ARAP3: variants seen among roughly 807,000 people sequenced by gnomAD.
ARAP3 encodes ArfGAP with RhoGAP domain, ankyrin repeat and PH domain 3, also known as arf-GAP with Rho-GAP domain, ANK repeat and PH domain-containing protein 3.
In ARAP3, 82 loss-of-function variants were observed where a neutral mutation model predicts 169.2. That is an observed-to-expected ratio of 0.48 (90% CI 0.41 to 0.58). The LOEUF is 0.58. Among genes scored for constraint, ARAP3 ranks in the 20% least tolerant of loss-of-function variants. ARAP3 has a pLI of 0.00. For missense variants in ARAP3, 1,764 were observed against 2,018.0 expected, an observed-to-expected ratio of 0.87 and a Z score of 2.41; for synonymous variants, 791 against 800.3, an observed-to-expected ratio of 0.99 and a Z score of 0.20.
intron 30 of ARAP3, 34 bp from the exon 31 acceptor site, chr5:141,655,792 C>T (rs1411336034): frequency 3.1e-6 from 5 of 1,614,002 alleles, no homozygotes; most frequent in South Asian, 2.2e-5. Context: ...CATCAGTGGG[C>T]ATGAAAGGCA....
At position 141,665,437 on chromosome 5, in the gene ARAP3, T is replaced by C. The variant is rs79121065; in HGVS notation, c.2573-63A>G. The C allele has an allele frequency of 9.3e-5, 144 of 1,556,152 alleles. 1 individual carries two copies. The East Asian group carries it at 1.9e-3, about 20-fold the overall frequency. On this transcript the variant is annotated intron_variant, in intron 17 of 32. Coordinates refer to ENST00000239440, the MANE Select transcript of ARAP3 (RefSeq NM_022481.6). ...TCTTCATTATAGAGACTATTATTTA[T>C]TAAATGCTTAACGTGCATAGATGCC...
intron 13 of ARAP3, 69 bp from the exon 14 acceptor site, chr5:141,670,697 G>A (rs2154599042): frequency 7.5e-7 from 1 of 1,337,674 alleles, no homozygotes. Context: ...CTCTGGGGAA[G>A]GGATGAAATG....
At position 141,680,179 on chromosome 5, in the gene ARAP3, C is replaced by T; in HGVS notation, c.308G>A (p.Gly103Asp). The change falls in exon 2 of 33, where the codon GGT becomes GAT. Residue 103 changes from glycine (G) to aspartate (D), a missense_variant. Transcript: ENST00000239440. ...AGTGGTGGCAGGGCCACTGAGTCCACCAAACACGGTCCTGGGCTTCGGCAC... is the reference window on the plus strand; with the variant it reads ...AGTGGTGGCAGGGCCACTGAGTCCATCAAACACGGTCCTGGGCTTCGGCAC... ...KPVPKPRTVF[G>D]GLSGPATTQR... 2 of 1,608,830 alleles carry T rather than the reference C, an allele frequency of 1.2e-6. No individual in the cohort carries two copies. Among genetic ancestry groups the T allele is most frequent in the Non-Finnish European group, 1.7e-6 (2 of 1,176,542 alleles).
chr5:141,661,565 C>A, intron 21 of ARAP3, 119 bp downstream of exon 21: 5 of 1,062,750 alleles, frequency 4.7e-6, no homozygotes, highest in Non-Finnish European at 7.0e-6. Context: ...TGCTATGATA[C>A]CTTCACTTAA....
chr5:141,679,775 G>T lies in ARAP3; in HGVS notation c.572C>A (p.Pro191His). The T allele has an allele frequency of 6.2e-7, 1 of 1,614,004 alleles. No homozygotes were observed. The highest frequency in any genetic ancestry group is 8.5e-7 in the Non-Finnish European group (1 of 1,179,992). ...AACCCAGTTACCTGTGCCTGTTGTGGGCCTGAGGGCAGGGGTGGGGGCAGA... is the reference window on the plus strand; with the variant it reads ...AACCCAGTTACCTGTGCCTGTTGTGTGCCTGAGGGCAGGGGTGGGGGCAGA... ...QISAPTPALR[P>H]TTGTVHIMDP... The change falls in exon 3 of 33, where the codon CCC becomes CAC. Residue 191 changes from proline (P) to histidine (H), a missense_variant. Coordinates refer to ENST00000239440, the MANE Select transcript of ARAP3 (RefSeq NM_022481.6).
chr5:141,670,614 C>T lies in ARAP3; in HGVS notation c.2005G>A (p.Val669Met). Reference protein sequence around the residue: ...GLLPSDPSPGVYNEVVVRATY... With the variant: ...GLLPSDPSPGMYNEVVVRATY... The stretch of plus-strand genomic sequence containing the variant: ...GCACGCACCACCACCTCATTGTACA[C>T]ACCAGGGGAGGGGTCTGCAAGGGGA... The change falls in exon 14 of 33, where the codon GTG becomes ATG. Residue 669 changes from valine to methionine, a missense_variant. By Grantham distance (21) the Val-to-Met change is conservative (BLOSUM62 1). This residue lies in a region of ARAP3 where 1,112 missense variants were observed against 1,285.7 expected (regional missense o/e 0.86). Transcript: ENST00000239440. 1 of 1,613,894 alleles carries T rather than the reference C, an allele frequency of 6.2e-7. No individual in the cohort carries two copies. Among genetic ancestry groups the T allele is most frequent in the Non-Finnish European group, 8.5e-7 (1 of 1,179,828 alleles).
chr5:141,666,091 A>G (rs1004677135), intron 17 of ARAP3, among the ~76,000 whole-genome samples: 1 of 151,466 alleles, frequency 6.6e-6, no homozygotes, highest in African/African-American at 2.4e-5. Context: ...TTTATTGAGC[A>G]CTTAAAAAAT....
chr5:141,667,679 C>T (rs1398606046), intron 16 of ARAP3, among the ~76,000 whole-genome samples: 7 of 149,638 alleles, frequency 4.7e-5, no homozygotes, highest in Non-Finnish European at 8.9e-5. Context: ...CCACCTGCCT[C>T]GGCCTCCCAA....
In ARAP3 at chr5:141,672,108, A is replaced by T. The variant is rs1292630288; in HGVS notation, c.1579T>A (p.Cys527Ser). Residue 527 changes from cysteine (C) to serine (S), a missense_variant, in exon 10 of 33, where the codon TGT (cysteine) becomes AGT (serine). Coordinates refer to ENST00000239440, the MANE Select transcript of ARAP3 (RefSeq NM_022481.6). The surrounding 1 kb of genome is among the most constrained non-coding windows in gnomAD (Gnocchi z 4.9). The stretch of plus-strand genomic sequence containing the variant: ...GCTTGAGGCCATTCCTCACCTGCAC[A>T]CTGCTTGCAGATGACCACCCCCAAA... ...VNLGVVICKQ[C>S]AGQHRALGSG... 6.2e-7 allele frequency: 1 copy of T among 1,614,044 alleles called. No homozygotes were observed. The highest frequency in any genetic ancestry group is 8.5e-7 in the Non-Finnish European group (1 of 1,179,982).
rs936348872 is a variant in ARAP3, at chr5:141,673,820, C to G, written c.699-12G>C. 13 of 1,613,224 alleles carry G rather than the reference C, an allele frequency of 8.1e-6. No individual in the cohort carries two copies. The African/African-American group carries it at 1.5e-4, about 18-fold the overall frequency. On this transcript the variant is annotated splice_polypyrimidine_tract_variant and intron_variant, in intron 4 of 32. Transcript: ENST00000239440. ...CCTGTCTGCTGAGCCTTGTGGGGGCCAAGACAGGGAGGGACACACATTAGA... is the reference window on the plus strand; with the variant it reads ...CCTGTCTGCTGAGCCTTGTGGGGGCGAAGACAGGGAGGGACACACATTAGA...
At chr5:141,663,849 C>T (rs374998414) in intron 19 of ARAP3, among the ~76,000 whole-genome samples, 1 of 152,178 alleles carries the variant, frequency 6.6e-6, no homozygotes, top group Non-Finnish European at 1.5e-5. Flanking sequence ...ACTGCAGATT[C>T]AACCGACATC....
chr5:141,668,974 C>T (rs953946812), intron 16 of ARAP3, among the ~76,000 whole-genome samples: 2 of 152,180 alleles, frequency 1.3e-5, no homozygotes, highest in Non-Finnish European at 2.9e-5. Flanking sequence ...TGGAACAGAT[C>T]TTAGGGAAAA....
At chr5:141,661,522 C>CCTGAT (rs2099909972) in intron 21 of ARAP3, among the ~76,000 whole-genome samples, 162 bp downstream of exon 21, 1 of 152,216 alleles carries the variant, frequency 6.6e-6, no homozygotes, top group Non-Finnish European at 1.5e-5. Context: ...CCTAGGTCTG[C>CCTGAT]CTGATCCCTC....
intron 22 of ARAP3, 30 bp downstream of exon 22, chr5:141,659,749 G>T: frequency 6.3e-7 from 1 of 1,598,338 alleles, no homozygotes; most frequent in Non-Finnish European, 8.6e-7. Context: ...GGGGAAAGGG[G>T]TTGTGGGTTA....
chr5:141,679,451 G>C, intron 4 of ARAP3, 94 bp downstream of exon 4: 1 of 1,258,784 alleles, frequency 7.9e-7, no homozygotes. Flanking sequence ...CCTGGCTGGT[G>C]AATACTCAAT....
chr5:141,679,601 T>C lies in ARAP3; in HGVS notation c.642A>G (p.Pro214=), dbSNP rs868354050. The C allele has an allele frequency of 6.2e-7, 1 of 1,614,168 alleles. No individual in the cohort carries two copies. Among genetic ancestry groups the C allele is most frequent in the Middle Eastern group, 1.6e-4 (1 of 6,062 alleles). The change falls in exon 4 of 33, where the codon CCA becomes CCG. Residue 214 remains proline, a synonymous_variant. Coordinates refer to ENST00000239440, the MANE Select transcript of ARAP3 (RefSeq NM_022481.6). The part of the protein sequence containing the change: ...LYYGVQPVGT[P]GAPDRRESRG... ...TGCTCTCTCTTCTGTCGGGGGCTCCTGGAGTCCCCACAGGTTGGACACCAT... is the reference window on the plus strand; with the variant it reads ...TGCTCTCTCTTCTGTCGGGGGCTCCCGGAGTCCCCACAGGTTGGACACCAT...
intron 27 of ARAP3, 72 bp downstream of exon 27, chr5:141,656,432 A>C: frequency 3.2e-6 from 5 of 1,582,276 alleles, no homozygotes; most frequent in Non-Finnish European, 4.3e-6. Context: ...CTGTGGAGTC[A>C]GAGGGTGGGT....
rs557993156 is a variant in ARAP3 at position 141,654,147 on chromosome 5, ACCCCCGTGCCTG to A, written c.4426_4437del (p.Gln1476_Gly1479del). On this transcript the variant is annotated inframe_deletion, in exon 33 of 33. Coordinates refer to ENST00000239440, the MANE Select transcript of ARAP3 (RefSeq NM_022481.6). ...TCCTGGAGCAGCTGTTCCTCTAGGG[ACCCCCGTGCCTG>A]GGGACTGCTCTTTGAAGGGGGGCCT... 4.0e-3 allele frequency: 6,442 copies of A among 1,612,032 alleles called. 27 individuals carry two copies. Among genetic ancestry groups the A allele is most frequent in the Non-Finnish European group, 4.5e-3 (5,275 of 1,179,290 alleles).
rs1330672976 is a variant in ARAP3, at chr5:141,658,362, C to T, written c.3526+3G>A. On this transcript the variant is annotated splice_donor_region_variant and intron_variant, in intron 25 of 32. Transcript: ENST00000239440. ...ATGAACACACAGGCGTGGTCATACT[C>T]ACCCAGCTCCCCATGCTCGCGAATC... is the stretch of plus-strand genomic sequence containing the variant. 1.2e-6 allele frequency: 2 copies of T among 1,612,806 alleles called. No individual in the cohort carries two copies. Among genetic ancestry groups the T allele is most frequent in the South Asian group, 2.2e-5 (2 of 91,008 alleles).
Sources: allele counts gnomAD v4.1 joint callset (sites outside exome capture counted in the v4.1 genomes callset), GRCh38; gene constraint gnomAD v4.1.1; regional missense constraint gnomAD v4.1.1; non-coding constraint Gnocchi (gnomAD v3.1); transcripts MANE v1.5; gene names NCBI Gene and HGNC (gene_info 2026-07-23, HGNC 2026-07-21).